Variants in SLC25A48 observed in about 807,000 individuals in gnomAD.
The protein encoded by SLC25A48 is solute carrier family 25 member 48.
In SLC25A48, 29 loss-of-function variants were observed where a neutral mutation model predicts 32.2. That is an observed-to-expected ratio of 0.90 (90% CI 0.67 to 1.23). SLC25A48 has a LOEUF of 1.23. SLC25A48 is among the 50% of genes most tolerant of loss of function. The probability of loss-of-function intolerance (pLI) is 0.00; values close to 1 mark genes in which losing one functional copy is unlikely to be tolerated. For missense variants in SLC25A48, 399 were observed against 422.7 expected, an observed-to-expected ratio of 0.94 and a Z score of 0.49; for synonymous variants, 164 against 172.3, an observed-to-expected ratio of 0.95 and a Z score of 0.38.
intron 4 of SLC25A48, among the ~76,000 whole-genome samples, chr5:135,866,717 T>C (rs1052847132): frequency 1.3e-5 from 2 of 152,248 alleles, no homozygotes; most frequent in Non-Finnish European, 2.9e-5. Flanking sequence ...CAGATAGCCA[T>C]GGCCTGTGGC....
chr5:135,775,503 G>A (rs1351707800), intron 3 of SLC25A48, among the ~76,000 whole-genome samples: 2 of 151,486 alleles, frequency 1.3e-5, no homozygotes, highest in Non-Finnish European at 2.9e-5. Flanking sequence ...TATCCAGAGA[G>A]GAAGATGATA....
chr5:135,589,359 G>A (rs1432588013), intron 1 of SLC25A48, among the ~76,000 whole-genome samples: 3 of 152,324 alleles, frequency 2.0e-5, no homozygotes, highest in South Asian at 4.1e-4. Context: ...ATAGTGCGAC[G>A]AAAAGGGAAC....
chr5:135,689,070 T>C (rs1371260489), intron 3 of SLC25A48, among the ~76,000 whole-genome samples: 4 of 152,160 alleles, frequency 2.6e-5, no homozygotes, highest in African/African-American at 7.2e-5. Context: ...AGCTAGTAAG[T>C]TTGTCTAGCT....
chr5:135,613,079 G>C (rs1480385988), intron 1 of SLC25A48, among the ~76,000 whole-genome samples: 1 of 152,016 alleles, frequency 6.6e-6, no homozygotes, highest in Non-Finnish European at 1.5e-5. Flanking sequence ...ATCCTCACCA[G>C]CATCTGTTAT....
chr5:135,886,636 T>TATATATATATATAA (rs1554088462), intron 7 of SLC25A48, among the ~76,000 whole-genome samples: 1 of 30,140 alleles, frequency 3.3e-5, no homozygotes, highest in Non-Finnish European at 5.8e-5. Context: ...TATATATATA[T>TATATATATATATAA]AAAATATATA....
At chr5:135,640,706 T>A (rs1437332810) in intron 3 of SLC25A48, among the ~76,000 whole-genome samples, 1 of 152,078 alleles carries the variant, frequency 6.6e-6, no homozygotes, top group Non-Finnish European at 1.5e-5. Flanking sequence ...AAATTAATAA[T>A]CATAACTCAC....
At position 135,666,860 on chromosome 5, in the gene SLC25A48, G is replaced by A. The variant is rs572359138; in HGVS notation, c.-521+31904G>A. The stretch of plus-strand genomic sequence containing the variant: ...TAGGGTGGTGACTATGGGGAAAGGC[G>A]GGAGGAGATTCAATGGGAACAATGC... On this transcript the variant is annotated intron_variant, in intron 3 of 10. Transcript: ENST00000646290. Among the ~76,000 whole-genome samples, 3 of 152,220 alleles carry A rather than the reference G, an allele frequency of 2.0e-5. No individual in the cohort carries two copies. The South Asian group carries it at 6.2e-4, about 32-fold the overall frequency.
At chr5:135,721,191 C>CT (rs1754944273) in intron 3 of SLC25A48, among the ~76,000 whole-genome samples, 1 of 76,854 alleles carries the variant, frequency 1.3e-5, no homozygotes, top group Non-Finnish European at 3.1e-5. Flanking sequence ...CCATGCCTGG[C>CT]CTTTTTTTTT....
At chr5:135,691,817 A>T (rs948282765) in intron 3 of SLC25A48, among the ~76,000 whole-genome samples, 1 of 152,160 alleles carries the variant, frequency 6.6e-6, no homozygotes, top group African/African-American at 2.4e-5. Flanking sequence ...GATTAGGTAG[A>T]TGAGTGCTGA....
At chr5:135,733,368 G>C (rs1338221484) in intron 3 of SLC25A48, among the ~76,000 whole-genome samples, 2 of 152,152 alleles carry the variant, frequency 1.3e-5, no homozygotes, top group East Asian at 3.8e-4. Flanking sequence ...TAGTCATGGG[G>C]GTCAGGTGTG....
intron 3 of SLC25A48, among the ~76,000 whole-genome samples, chr5:135,755,876 T>A (rs960039107): frequency 4.6e-5 from 7 of 152,052 alleles, no homozygotes; most frequent in Non-Finnish European, 1.0e-4. Flanking sequence ...ATTTATCATA[T>A]CATATTTAGT....
intron 1 of SLC25A48, among the ~76,000 whole-genome samples, chr5:135,605,491 C>T (rs532044204): frequency 6.6e-6 from 1 of 152,322 alleles, no homozygotes; most frequent in East Asian, 1.9e-4. Flanking sequence ...GGTCTCATTT[C>T]TCCTGGGTTG....
chr5:135,802,242 T>C (rs1757348683), intron 3 of SLC25A48, among the ~76,000 whole-genome samples: 2 of 151,764 alleles, frequency 1.3e-5, no homozygotes, highest in South Asian at 4.1e-4. Flanking sequence ...TCACAATGGG[T>C]GTACACCATG....
At chr5:135,685,800 AC>A (rs1189014096) in intron 3 of SLC25A48, among the ~76,000 whole-genome samples, 1 of 152,184 alleles carries the variant, frequency 6.6e-6, no homozygotes, top group Non-Finnish European at 1.5e-5. Context: ...TCCATCCACC[AC>A]TGAATCCACA....
intron 4 of SLC25A48, among the ~76,000 whole-genome samples, chr5:135,865,250 C>G (rs1761096761): frequency 1.3e-5 from 2 of 152,144 alleles, no homozygotes; most frequent in South Asian, 4.1e-4. Flanking sequence ...AAGCATCTGC[C>G]TATCTTGGGC....
intron 3 of SLC25A48, among the ~76,000 whole-genome samples, chr5:135,637,572 A>G (rs1752734542): frequency 6.6e-6 from 1 of 152,174 alleles, no homozygotes. Context: ...GGAGTATAGC[A>G]ATTTTATTTA....
intron 3 of SLC25A48, among the ~76,000 whole-genome samples, chr5:135,730,268 G>T (rs1338228780): frequency 6.6e-6 from 1 of 152,158 alleles, no homozygotes; most frequent in Non-Finnish European, 1.5e-5. Flanking sequence ...CACATGTTAT[G>T]GGAGGGACTT....
chr5:135,605,879 A>G (rs1340803695), intron 1 of SLC25A48, among the ~76,000 whole-genome samples: 2 of 152,202 alleles, frequency 1.3e-5, no homozygotes, highest in Non-Finnish European at 2.9e-5. Flanking sequence ...AGGTATTGTC[A>G]AAGAGAAGCT....
At chr5:135,694,015 G>A (rs10463927) in intron 3 of SLC25A48, among the ~76,000 whole-genome samples, 29,788 of 152,160 alleles carry the variant, frequency 0.2, 3,109 homozygotes, top group Middle Eastern at 0.3. Flanking sequence ...GAAAGGCTGC[G>A]ATGAGGGTGT....
Sources: allele counts gnomAD v4.1 joint callset (sites outside exome capture counted in the v4.1 genomes callset), GRCh38; gene constraint gnomAD v4.1.1; transcripts MANE v1.5; gene names NCBI Gene and HGNC (gene_info 2026-07-23, HGNC 2026-07-21).